PLVAP: variants seen among roughly 807,000 people sequenced by gnomAD.
PLVAP encodes the protein plasmalemma vesicle-associated protein.
In PLVAP, 34 loss-of-function variants were observed where a neutral mutation model predicts 43.1. The observed-to-expected ratio is 0.79, with a 90% CI of 0.60 to 1.05. PLVAP has a LOEUF of 1.05. Among genes scored for constraint, PLVAP ranks in the 50% least tolerant of loss-of-function variants. The pLI is 0.00. For missense variants in PLVAP, 574 were observed against 593.4 expected, an observed-to-expected ratio of 0.97 and a Z score of 0.34; for synonymous variants, 241 against 237.3, an observed-to-expected ratio of 1.02 and a Z score of -0.14.
At chr19:17,375,756 C>T (rs1441766204) in intron 1 of PLVAP, among the ~76,000 whole-genome samples, 1 of 152,064 alleles carries the variant, frequency 6.6e-6, no homozygotes, top group Non-Finnish European at 1.5e-5. Flanking sequence ...TTGCACACGC[C>T]TGTAATCCCA....
intron 5 of PLVAP, among the ~76,000 whole-genome samples, chr19:17,359,951 C>T (rs553199409): frequency 6.6e-5 from 10 of 152,324 alleles, no homozygotes; most frequent in Admixed American, 5.9e-4. Context: ...TCACCCCCGT[C>T]CAGCCTCCAG....
At chr19:17,355,225 AAATAATAATAATAAT>A (rs150379358) in intron 5 of PLVAP, among the ~76,000 whole-genome samples, 65 of 139,544 alleles carry the variant, frequency 4.7e-4, no homozygotes, top group African/African-American at 1.5e-3. Flanking sequence ...CTCCATCTCA[AAATAATAATAATAAT>A]AATAATAATA....
chr19:17,364,622 GC>G (rs2074541013), intron 3 of PLVAP, among the ~76,000 whole-genome samples: 1 of 151,964 alleles, frequency 6.6e-6, no homozygotes, highest in Non-Finnish European at 1.5e-5. Flanking sequence ...AGGGCGGACA[GC>G]CACCAACAGG....
intron 5 of PLVAP, 112 bp from the exon 6 acceptor site, chr19:17,352,480 C>A: frequency 8.2e-7 from 1 of 1,224,942 alleles, no homozygotes; most frequent in Non-Finnish European, 1.2e-6. Context: ...CTGGGGACCC[C>A]GGCCCTGCCT....
chr19:17,365,065 G>A (rs780935658), intron 3 of PLVAP, among the ~76,000 whole-genome samples: 52 of 151,984 alleles, frequency 3.4e-4, no homozygotes, highest in Admixed American at 2.6e-4. Flanking sequence ...GAGCCACTGC[G>A]CACGGCACTC....
At chr19:17,357,981 T>C (rs1016109594) in intron 5 of PLVAP, among the ~76,000 whole-genome samples, 1 of 152,202 alleles carries the variant, frequency 6.6e-6, no homozygotes, top group African/African-American at 2.4e-5. Flanking sequence ...GATTCTCCAC[T>C]GTGTGACCCC....
chr19:17,371,179 T>G (rs1253464900), intron 1 of PLVAP, among the ~76,000 whole-genome samples: 1 of 151,782 alleles, frequency 6.6e-6, no homozygotes, highest in Non-Finnish European at 1.5e-5. Context: ...TTATTATTAT[T>G]GAGATGGAGT....
intron 1 of PLVAP, among the ~76,000 whole-genome samples, chr19:17,369,185 T>C (rs1181032197): frequency 1.3e-5 from 2 of 151,664 alleles, no homozygotes; most frequent in Non-Finnish European, 2.9e-5. Flanking sequence ...TTTGTTTTTT[T>C]TTTTGTTGTT....
chr19:17,372,958 C>G (rs546487923), intron 1 of PLVAP, among the ~76,000 whole-genome samples: 76 of 143,062 alleles, frequency 5.3e-4, no homozygotes, highest in Non-Finnish European at 9.5e-4. Flanking sequence ...CCCAGCTACT[C>G]GGGAGGCTAA....
At chr19:17,359,710 T>TTTTTTTTC (rs1568373661) in intron 5 of PLVAP, among the ~76,000 whole-genome samples, 1 of 145,702 alleles carries the variant, frequency 6.9e-6, no homozygotes, top group African/African-American at 2.6e-5. Flanking sequence ...TTTTTTTTTT[T>TTTTTTTTC]CTGACACAGT....
At chr19:17,367,342 G>A (rs912987711) in intron 1 of PLVAP, among the ~76,000 whole-genome samples, 1 of 151,898 alleles carries the variant, frequency 6.6e-6, no homozygotes, top group Non-Finnish European at 1.5e-5. Context: ...AGCCTCCCCA[G>A]TAGCTGGGAC....
rs934912522 is a variant in PLVAP at position 17,360,822 on chromosome 19, A to T, written c.1190T>A (p.Met397Lys). The change falls in exon 4 of 6, where the codon ATG becomes AAG. Residue 397 changes from methionine (M) to lysine (K), a missense_variant. By Grantham distance (95) the Met-to-Lys change is moderately conservative (BLOSUM62 -1). Coordinates refer to ENST00000252590, the MANE Select transcript of PLVAP (RefSeq NM_031310.3). ...GCCCATGGGCCTTGACACTGGCATC[A>T]TCGGCTGCGACTGTGAAAGAAAGAT... ...DTCIKTKSQP[M>K]MPVSRPMGPV... is the part of the protein sequence containing the mutation. The T allele has an allele frequency of 6.2e-7, 1 of 1,613,606 alleles. No homozygotes were observed. Among genetic ancestry groups the T allele is most frequent in the African/African-American group, 1.3e-5 (1 of 74,874 alleles).
At chr19:17,360,034 T>A (rs1312434641) in intron 5 of PLVAP, among the ~76,000 whole-genome samples, 1 of 152,098 alleles carries the variant, frequency 6.6e-6, no homozygotes, top group East Asian at 1.9e-4. Context: ...CTCCTCATGC[T>A]CCAGCTCTTC....
chr19:17,353,317 G>C (rs1215887424), intron 5 of PLVAP, among the ~76,000 whole-genome samples: 3 of 152,172 alleles, frequency 2.0e-5, no homozygotes, highest in African/African-American at 7.2e-5. Flanking sequence ...CTGGGTCAAT[G>C]CACATCCCTC....
chr19:17,372,211 C>T (rs2074574872), intron 1 of PLVAP, among the ~76,000 whole-genome samples: 1 of 150,890 alleles, frequency 6.6e-6, no homozygotes, highest in South Asian at 2.1e-4. Flanking sequence ...AGTTCCAGAC[C>T]AGCCTGGCCA....
intron 1 of PLVAP, among the ~76,000 whole-genome samples, chr19:17,367,888 G>GT (rs1011457751): frequency 1.0e-3 from 152 of 151,604 alleles, no homozygotes; most frequent in African/African-American, 3.1e-3. Flanking sequence ...TAGAAGTAGG[G>GT]TTTTTTTGTT....
In PLVAP at chr19:17,365,668, G is replaced by A. The variant is rs748283687; in HGVS notation, c.797C>T (p.Ala266Val). The A allele has an allele frequency of 3.9e-5, 63 of 1,613,574 alleles. No individual in the cohort carries two copies. Among genetic ancestry groups the A allele is most frequent in the Non-Finnish European group, 3.6e-5 (43 of 1,180,006 alleles). The change falls in exon 3 of 6, where the codon GCC (alanine) becomes GTC (valine). Residue 266 changes from alanine to valine, a missense_variant. Ala to Val is a moderately conservative substitution (Grantham distance 64). Transcript: ENST00000252590. ...NLYHPLGSEL[A>V]SIRRACDHMP... ...GTGGTCGCAGGCTCTGCGGATGGAG[G>A]CCAATTCCGAGCCCAGGGGATGGTA...
At chr19:17,374,491 T>G (rs995930731) in intron 1 of PLVAP, among the ~76,000 whole-genome samples, 2 of 151,738 alleles carry the variant, frequency 1.3e-5, no homozygotes, top group Admixed American at 6.6e-5. Context: ...CAAAAGCTTC[T>G]CCCTACTTCC....
chr19:17,363,320 C>A (rs915495165), intron 3 of PLVAP, among the ~76,000 whole-genome samples: 7 of 152,076 alleles, frequency 4.6e-5, no homozygotes, highest in Non-Finnish European at 5.9e-5. Context: ...GTGTCTGCCA[C>A]CAAGCCTGGC....
Sources: allele counts gnomAD v4.1 joint callset (sites outside exome capture counted in the v4.1 genomes callset), GRCh38; gene constraint gnomAD v4.1.1; transcripts MANE v1.5; gene names NCBI Gene and HGNC (gene_info 2026-07-23, HGNC 2026-07-21).